Variants in ARL15 observed in about 807,000 individuals in gnomAD.
ARL15 encodes the protein ARF like GTPase 15.
A neutral mutation model predicts 25.2 loss-of-function variants in ARL15; 19 were observed. That is an observed-to-expected ratio of 0.75 (90% CI 0.53 to 1.10). The LOEUF is 1.10. Ranked by LOEUF, ARL15 falls within the 50% of genes least tolerant of loss-of-function variation. The pLI is 0.00. For synonymous variants in ARL15, 94 were observed against 86.8 expected (o/e 1.08, Z -0.46); for missense variants, 220 against 246.0 (o/e 0.89, Z 0.71).
At chr5:54,257,193 C>T (rs1757392624) in intron 1 of ARL15, among the ~76,000 whole-genome samples, 1 of 152,146 alleles carries the variant, frequency 6.6e-6, no homozygotes, top group African/African-American at 2.4e-5. Flanking sequence ...TCTCAATTTA[C>T]CAAATCAGTT....
intron 1 of ARL15, among the ~76,000 whole-genome samples, chr5:54,300,552 G>T (rs139010299): frequency 1.3e-5 from 2 of 152,286 alleles, no homozygotes; most frequent in East Asian, 3.9e-4. Context: ...TTGTTATTGT[G>T]TTAAACTATT....
intron 4 of ARL15, among the ~76,000 whole-genome samples, chr5:53,983,613 T>C (rs899383672): frequency 1.1e-4 from 16 of 152,242 alleles, no homozygotes; most frequent in African/African-American, 3.9e-4. Flanking sequence ...GCTACTGTAA[T>C]TGTAAATTGG....
rs372416141 is a variant in ARL15, at chr5:53,886,685, A to G, written c.491T>C (p.Leu164Pro). The change falls in exon 5 of 5, where the codon CTT becomes CCT. Residue 164 changes from leucine (L) to proline (P), a missense_variant. Transcript: ENST00000504924. ...TAGAATCCAGCGTTTTCCACGTGCAAGTGGTTCAAGTTCAAAATATTTTTT... is the reference window on the plus strand; with the variant it reads ...TAGAATCCAGCGTTTTCCACGTGCAGGTGGTTCAAGTTCAAAATATTTTTT... ...EIKKYFELEPLARGKRWILQP... is the reference protein window; with the variant it reads ...EIKKYFELEPPARGKRWILQP... 1.3e-6 allele frequency: 2 copies of G among 1,566,310 alleles called. No individual in the cohort carries two copies. The highest frequency in any genetic ancestry group is 1.7e-6 in the Non-Finnish European group (2 of 1,155,858).
chr5:54,047,836 T>A (rs1750571766), intron 4 of ARL15, among the ~76,000 whole-genome samples: 1 of 152,232 alleles, frequency 6.6e-6, no homozygotes, highest in African/African-American at 2.4e-5. Context: ...TGCATTTTTA[T>A]TCACAGACAT....
chr5:54,083,788 T>A (rs1035332237), intron 4 of ARL15, among the ~76,000 whole-genome samples: 5 of 152,144 alleles, frequency 3.3e-5, no homozygotes, highest in Non-Finnish European at 5.9e-5. Context: ...AAATATCTAA[T>A]AAGTTTTGAG....
chr5:54,105,577 CA>C (rs1162238927), intron 4 of ARL15, among the ~76,000 whole-genome samples: 2 of 151,964 alleles, frequency 1.3e-5, no homozygotes, highest in South Asian at 2.1e-4. Flanking sequence ...TAAAAGGCTA[CA>C]TTTTTTTATT....
chr5:54,247,187 TA>T, intron 1 of ARL15, among the ~76,000 whole-genome samples: 1 of 151,986 alleles, frequency 6.6e-6, no homozygotes, highest in African/African-American at 2.4e-5. Flanking sequence ...AATTTCCTAT[TA>T]AAAGTAACCT....
chr5:54,234,635 A>G (rs1223460632), intron 1 of ARL15, among the ~76,000 whole-genome samples: 1 of 152,212 alleles, frequency 6.6e-6, no homozygotes, highest in Non-Finnish European at 1.5e-5. Context: ...TCCATGTTTA[A>G]GAATTTAAGG....
intron 4 of ARL15, among the ~76,000 whole-genome samples, chr5:53,888,658 T>C (rs1306487770): frequency 1.3e-5 from 2 of 152,180 alleles, no homozygotes; most frequent in Non-Finnish European, 2.9e-5. Context: ...CTGAAAACTA[T>C]TGACATCCAA....
rs1435000119 is a variant in ARL15 at position 54,166,360 on chromosome 5, A to AATTT, written c.193+5420_193+5423dup. On this transcript the variant is annotated intron_variant, in intron 2 of 4. Coordinates refer to ENST00000504924, the MANE Select transcript of ARL15 (RefSeq NM_019087.3). ...CAGGCAAGCACCAACACATGCAGCT[A>AATTT]ATTTATTTATTTATTTATTTGTAGA... Among the ~76,000 whole-genome samples, 8 of 151,926 alleles carry AATTT rather than the reference A, an allele frequency of 5.3e-5. No homozygotes were observed. In the East Asian group the frequency reaches 9.7e-4, roughly 18 times the overall value.
intron 1 of ARL15, among the ~76,000 whole-genome samples, chr5:54,294,193 C>A (rs573873945): frequency 6.6e-6 from 1 of 152,326 alleles, no homozygotes; most frequent in Non-Finnish European, 1.5e-5. Context: ...AAATCCTATT[C>A]TACTAACCCA....
chr5:54,036,017 G>A (rs1466302568), intron 4 of ARL15, among the ~76,000 whole-genome samples: 1 of 152,084 alleles, frequency 6.6e-6, no homozygotes, highest in Non-Finnish European at 1.5e-5. Context: ...GCATGGTGGT[G>A]CATGCCTACA....
At chr5:54,051,189 T>C (rs1750691570) in intron 4 of ARL15, among the ~76,000 whole-genome samples, 2 of 152,204 alleles carry the variant, frequency 1.3e-5, no homozygotes, top group African/African-American at 4.8e-5. Context: ...ACTTGCTTGA[T>C]CTTTAGCTAA....
Position 54,206,320 on chromosome 5 carries a change from G to T in ARL15, c.49-34392C>A, listed in dbSNP as rs77414487. ...TTGACTGAGTGCCCACCAGTGCCAAGAGGTAGATATTTATAGTGAACAAGG... is the reference window on the plus strand; with the variant it reads ...TTGACTGAGTGCCCACCAGTGCCAATAGGTAGATATTTATAGTGAACAAGG... On this transcript the variant is annotated intron_variant, in intron 1 of 4. Transcript: ENST00000504924. Among the ~76,000 whole-genome samples the T allele has an allele frequency of 2.9e-3, 441 of 152,258 alleles. 2 individuals carry two copies. The highest frequency in any genetic ancestry group is 0.01 in the African/African-American group (431 of 41,554).
intron 1 of ARL15, among the ~76,000 whole-genome samples, chr5:54,261,399 G>A (rs901891979): frequency 6.6e-6 from 1 of 152,058 alleles, no homozygotes; most frequent in East Asian, 1.9e-4. Context: ...ACTCAGAAAG[G>A]TCTCCTAAAA....
intron 4 of ARL15, among the ~76,000 whole-genome samples, chr5:53,996,784 G>A (rs1223109695): frequency 1.3e-5 from 2 of 152,138 alleles, no homozygotes; most frequent in Admixed American, 6.6e-5. Context: ...TCTAGTTAGA[G>A]ACTACTGATC....
intron 1 of ARL15, among the ~76,000 whole-genome samples, chr5:54,290,344 T>C (rs1408847934): frequency 6.6e-6 from 1 of 150,886 alleles, no homozygotes; most frequent in Non-Finnish European, 1.5e-5. Context: ...CACTCTGTCA[T>C]GAGGCTGGAG....
At chr5:54,277,905 G>A (rs1490122793) in intron 1 of ARL15, among the ~76,000 whole-genome samples, 3 of 152,120 alleles carry the variant, frequency 2.0e-5, no homozygotes, top group East Asian at 3.9e-4. Context: ...TCAGTTTTAC[G>A]CAGCTGTTGG....
Position 54,253,653 on chromosome 5 carries a change from G to T in ARL15, c.48+56779C>A, listed in dbSNP as rs563572244. Among the ~76,000 whole-genome samples the T allele has an allele frequency of 2.0e-5, 3 of 151,746 alleles. No homozygotes were observed. In the East Asian group the frequency reaches 5.8e-4, roughly 29 times the overall value. ...GTCACCCAGGCTGGAGTGCAATGGC[G>T]TGATCACAGATCCCTGCAGCATCGA... On this transcript the variant is annotated intron_variant, in intron 1 of 4. Transcript: ENST00000504924.
Sources: allele counts gnomAD v4.1 joint callset (sites outside exome capture counted in the v4.1 genomes callset), GRCh38; gene constraint gnomAD v4.1.1; transcripts MANE v1.5; gene names NCBI Gene and HGNC (gene_info 2026-07-23, HGNC 2026-07-21).